Variants in CNTNAP5 observed in about 807,000 individuals in gnomAD.
CNTNAP5 encodes contactin-associated protein-like 5.
A neutral mutation model predicts 150.2 loss-of-function variants in CNTNAP5; 72 were observed. The ratio of observed to expected loss-of-function variants is 0.48; its 90% CI spans 0.40 to 0.58. The LOEUF (loss-of-function observed/expected upper bound fraction) is 0.58. Among genes scored for constraint, CNTNAP5 ranks in the 20% least tolerant of loss-of-function variants. The pLI, the probability that CNTNAP5 is intolerant of heterozygous loss-of-function variation, is 0.00. For missense variants in CNTNAP5, 1,636 were observed against 1,626.2 expected (o/e 1.01, Z -0.10); for synonymous variants, 672 against 619.8 (o/e 1.08, Z -1.25).
chr2:124,400,669 GTTT>G (rs760418441), intron 3 of CNTNAP5, among the ~76,000 whole-genome samples: 1 of 84,498 alleles, frequency 1.2e-5, no homozygotes, highest in African/African-American at 3.8e-5. Flanking sequence ...TAAAGGCATT[GTTT>G]TTTTTTTTTT....
intron 1 of CNTNAP5, among the ~76,000 whole-genome samples, chr2:124,113,466 A>T (rs571206375): frequency 6.6e-6 from 1 of 151,354 alleles, no homozygotes; most frequent in African/African-American, 2.4e-5. Flanking sequence ...TTCTATTTGA[A>T]TGTCTATATT....
chr2:124,889,858 G>A (rs1678157645), intron 21 of CNTNAP5, among the ~76,000 whole-genome samples: 1 of 151,952 alleles, frequency 6.6e-6, no homozygotes, highest in African/African-American at 2.4e-5. Flanking sequence ...TATCGCCACT[G>A]TTATATGTGC....
intron 1 of CNTNAP5, among the ~76,000 whole-genome samples, chr2:124,087,362 G>A (rs879324438): frequency 6.6e-6 from 1 of 151,550 alleles, no homozygotes; most frequent in Non-Finnish European, 1.5e-5. Context: ...TTTTAGGATA[G>A]GCCTGCTGGT....
At chr2:124,862,486 T>C (rs1677546263) in intron 19 of CNTNAP5, among the ~76,000 whole-genome samples, 1 of 152,054 alleles carries the variant, frequency 6.6e-6, no homozygotes, top group South Asian at 2.1e-4. Context: ...AGGGAGGAAA[T>C]GGAAGCTCAC....
chr2:124,757,799 C>G (rs906181938), intron 14 of CNTNAP5, among the ~76,000 whole-genome samples: 1 of 152,156 alleles, frequency 6.6e-6, no homozygotes, highest in African/African-American at 2.4e-5. Flanking sequence ...AATAAAGCAG[C>G]AACCTCAAAC....
At chr2:124,841,212 A>G (rs1425868063) in intron 19 of CNTNAP5, among the ~76,000 whole-genome samples, 1 of 151,978 alleles carries the variant, frequency 6.6e-6, no homozygotes, top group Non-Finnish European at 1.5e-5. Context: ...CATTGGGAAA[A>G]AGCAAATGAT....
At chr2:124,414,448 G>A (rs1461809675) in intron 3 of CNTNAP5, among the ~76,000 whole-genome samples, 1 of 152,104 alleles carries the variant, frequency 6.6e-6, no homozygotes, top group Non-Finnish European at 1.5e-5. Context: ...TCAGAACTGT[G>A]AGACCTTGGA....
chr2:124,591,125 T>A (rs1284579014), intron 11 of CNTNAP5, among the ~76,000 whole-genome samples: 1 of 152,192 alleles, frequency 6.6e-6, no homozygotes, highest in Non-Finnish European at 1.5e-5. Context: ...GCACATATCT[T>A]TCTGAGTACC....
At chr2:124,379,585 G>A (rs2104736114) in intron 3 of CNTNAP5, among the ~76,000 whole-genome samples, 1 of 152,194 alleles carries the variant, frequency 6.6e-6, no homozygotes, top group Middle Eastern at 3.4e-3. Context: ...TTCCAAGTTT[G>A]GTCAACTAGG....
At chr2:124,262,463 A>G (rs1180073958) in intron 3 of CNTNAP5, among the ~76,000 whole-genome samples, 1 of 152,168 alleles carries the variant, frequency 6.6e-6, no homozygotes, top group Non-Finnish European at 1.5e-5. Context: ...GCTATTGCTT[A>G]AGAAATACCA....
chr2:124,184,188 T>C (rs1685274716), intron 1 of CNTNAP5, among the ~76,000 whole-genome samples: 1 of 152,096 alleles, frequency 6.6e-6, no homozygotes, highest in Admixed American at 6.5e-5. Flanking sequence ...ACTGAAAGCT[T>C]ATTGGCTGAA....
chr2:124,791,200 A>G (rs1353292714), intron 18 of CNTNAP5, among the ~76,000 whole-genome samples: 1 of 152,112 alleles, frequency 6.6e-6, no homozygotes, highest in Admixed American at 6.5e-5. Flanking sequence ...GAAAAAAAGC[A>G]CTCACTGTTT....
chr2:124,202,470 GT>G, intron 1 of CNTNAP5, among the ~76,000 whole-genome samples: 1 of 145,686 alleles, frequency 6.9e-6, no homozygotes, highest in South Asian at 2.2e-4. Flanking sequence ...AGGTTTGTGA[GT>G]GGTAAACAAC....
chr2:124,356,172 T>C lies in CNTNAP5; in HGVS notation c.382-61271T>C, dbSNP rs186822304. ...ATCTTATAAAAATATGATAAAATTA[T>C]AACAAATATTTTAGAAGGTATAAAA... is the stretch of plus-strand genomic sequence containing the variant. On this transcript the variant is annotated intron_variant, in intron 3 of 23. Coordinates refer to ENST00000682447, the MANE Select transcript of CNTNAP5 (RefSeq NM_001367498.1). Among the ~76,000 whole-genome samples, 248 of 152,286 alleles carry C rather than the reference T, an allele frequency of 1.6e-3. 1 individual carries two copies. The highest frequency in any genetic ancestry group is 4.9e-3 in the African/African-American group (202 of 41,570).
intron 13 of CNTNAP5, among the ~76,000 whole-genome samples, chr2:124,736,888 A>T (rs1374862393): frequency 6.6e-6 from 1 of 152,222 alleles, no homozygotes; most frequent in African/African-American, 2.4e-5. Context: ...TGTTGGATAT[A>T]CAGTCATGAA....
At chr2:124,153,308 T>C (rs1684448033) in intron 1 of CNTNAP5, among the ~76,000 whole-genome samples, 1 of 151,992 alleles carries the variant, frequency 6.6e-6, no homozygotes, top group Non-Finnish European at 1.5e-5. Context: ...TAGCAAGAGG[T>C]CTAGAGTGTG....
intron 8 of CNTNAP5, among the ~76,000 whole-genome samples, chr2:124,522,998 C>G (rs993778357): frequency 1.3e-5 from 2 of 152,150 alleles, no homozygotes; most frequent in African/African-American, 4.8e-5. Context: ...CTCTGTCTAC[C>G]CCACTAGCCT....
At chr2:124,460,919 G>A (rs1193998406) in intron 6 of CNTNAP5, among the ~76,000 whole-genome samples, 1 of 152,012 alleles carries the variant, frequency 6.6e-6, no homozygotes. Flanking sequence ...CTCCATCGAG[G>A]AAAATAAACT....
chr2:124,102,947 A>G (rs1396582101), intron 1 of CNTNAP5, among the ~76,000 whole-genome samples: 2 of 152,218 alleles, frequency 1.3e-5, no homozygotes, highest in Non-Finnish European at 2.9e-5. Context: ...CATCTGAAAT[A>G]CCTGAATATC....
Sources: gnomAD v4.1 joint callset for allele counts (sites outside exome capture counted in the v4.1 genomes callset) on GRCh38, gnomAD v4.1.1 for gene constraint, MANE v1.5 for transcripts, NCBI Gene and HGNC (gene_info 2026-07-23, HGNC 2026-07-21) for gene names.